SLC2A13: variants seen among roughly 807,000 people sequenced by gnomAD.
The protein encoded by SLC2A13 is solute carrier family 2 member 13.
SLC2A13 carries 32 observed loss-of-function variants against 64.4 expected under a neutral mutation model. That is an observed-to-expected ratio of 0.50 (90% CI 0.37 to 0.67). The LOEUF (loss-of-function observed/expected upper bound fraction) is 0.67. SLC2A13 is among the 30% of genes least tolerant of loss of function. The pLI, the probability that SLC2A13 is intolerant of heterozygous loss-of-function variation, is 0.00. For missense variants in SLC2A13, 743 were observed against 829.2 expected (o/e 0.90, Z 1.28); for synonymous variants, 338 against 327.1 (o/e 1.03, Z -0.36).
chr12:40,082,370 T>C (rs1277556885), intron 1 of SLC2A13, among the ~76,000 whole-genome samples: 1 of 152,214 alleles, frequency 6.6e-6, no homozygotes, highest in Admixed American at 6.5e-5. Flanking sequence ...CTCAGTTGCA[T>C]TTTGCATTAT....
chr12:39,862,650 A>C (rs1449689850), intron 6 of SLC2A13, among the ~76,000 whole-genome samples: 1 of 152,196 alleles, frequency 6.6e-6, no homozygotes, highest in Non-Finnish European at 1.5e-5. Context: ...ATCTTAAGGT[A>C]TTATGTGATT....
At chr12:39,768,547 A>G (rs2135719644) in intron 7 of SLC2A13, among the ~76,000 whole-genome samples, 1 of 152,166 alleles carries the variant, frequency 6.6e-6, no homozygotes, top group East Asian at 1.9e-4. Flanking sequence ...TTTAGAGGCC[A>G]TTGTAGAGTT....
chr12:39,910,195 G>T (rs1945396142), intron 4 of SLC2A13, among the ~76,000 whole-genome samples: 1 of 151,998 alleles, frequency 6.6e-6, no homozygotes. Flanking sequence ...AGCAACCCTA[G>T]AAAGTGCTAC....
rs77383075 is a variant in SLC2A13, at chr12:39,965,396, A to T, written c.926-14031T>A. ...AAAACATTTTAAGGTTTTCTGTTAAAGTCTCCTCTTGTTACATTTAGCAAA... is the reference window on the plus strand; with the variant it reads ...AAAACATTTTAAGGTTTTCTGTTAATGTCTCCTCTTGTTACATTTAGCAAA... On this transcript the variant is annotated intron_variant, in intron 3 of 9. Transcript: ENST00000280871. Among the ~76,000 whole-genome samples the T allele has an allele frequency of 4.7e-4, 72 of 152,314 alleles. No individual in the cohort carries two copies. In the East Asian group the frequency reaches 9.3e-3, roughly 20 times the overall value.
intron 4 of SLC2A13, among the ~76,000 whole-genome samples, chr12:39,882,060 A>G (rs1319722457): frequency 6.6e-6 from 1 of 152,046 alleles, no homozygotes; most frequent in Admixed American, 6.6e-5. Context: ...CCCCACTGAC[A>G]TAATATGTCA....
intron 3 of SLC2A13, among the ~76,000 whole-genome samples, chr12:39,996,136 C>T (rs1387862291): frequency 6.6e-6 from 1 of 152,176 alleles, no homozygotes; most frequent in African/African-American, 2.4e-5. Context: ...GAAGTGGTCT[C>T]AAATGGAGAT....
At chr12:40,055,157 T>C (rs1948315620) in intron 1 of SLC2A13, among the ~76,000 whole-genome samples, 1 of 152,214 alleles carries the variant, frequency 6.6e-6, no homozygotes, top group African/African-American at 2.4e-5. Context: ...TTCTACTTTT[T>C]TCTAATAAGG....
Position 40,009,809 on chromosome 12 carries a change from A to C in SLC2A13, c.925+18492T>G, listed in dbSNP as rs28370653. 4.9e-3 allele frequency among the ~76,000 whole-genome samples: 747 copies of C among 152,342 alleles called. 4 individuals carry two copies. Among genetic ancestry groups the C allele is most frequent in the Middle Eastern group, 0.017 (5 of 294 alleles). On this transcript the variant is annotated intron_variant, in intron 3 of 9. Transcript: ENST00000280871. The stretch of plus-strand genomic sequence containing the variant: ...AGTCCAATGTAGAGACATGGGTCCT[A>C]AAACAAAATAATACTAAGTCAAAAG...
chr12:39,768,939 G>A (rs182463558), intron 7 of SLC2A13, among the ~76,000 whole-genome samples: 210 of 152,152 alleles, frequency 1.4e-3, no homozygotes, highest in Middle Eastern at 3.4e-3. Flanking sequence ...ATAAAATGAA[G>A]TATATACTGT....
rs780188266 is a variant in SLC2A13, at chr12:39,871,861, G to C, written c.1135C>G (p.Leu379Val). 6.2e-7 allele frequency: 1 copy of C among 1,612,486 alleles called. No homozygotes were observed. ...VTAFTNFIFT[L>V]VGVWLVEKVG... ...TTCTCAACAAGCCAGACTCCCACAAGTGTGAAAATGAAATTTGTGAAGGCT... is the reference window on the plus strand; with the variant it reads ...TTCTCAACAAGCCAGACTCCCACAACTGTGAAAATGAAATTTGTGAAGGCT... The change falls in exon 5 of 10, where the codon CTT becomes GTT. Residue 379 changes from leucine to valine, a missense_variant. Physicochemically the swap from Leu to Val is conservative, Grantham distance 32. Transcript: ENST00000280871.
intron 3 of SLC2A13, among the ~76,000 whole-genome samples, chr12:40,022,835 CAA>C (rs761069410): frequency 3.5e-5 from 4 of 113,554 alleles, no homozygotes; most frequent in African/African-American, 6.5e-5. Context: ...AAGACTGTCT[CAA>C]AAAAAAAAAA....
chr12:40,097,355 G>C (rs138653151), intron 1 of SLC2A13, among the ~76,000 whole-genome samples: 156 of 152,184 alleles, frequency 1.0e-3, no homozygotes, highest in African/African-American at 3.7e-3. Context: ...AGTTTTGTGT[G>C]TGTTTAGCAA....
chr12:39,862,783 C>T (rs1212238519), intron 6 of SLC2A13, among the ~76,000 whole-genome samples: 1 of 152,072 alleles, frequency 6.6e-6, no homozygotes, highest in Non-Finnish European at 1.5e-5. Context: ...TACAAGTATA[C>T]AATGTGTAAT....
chr12:39,948,728 G>T lies in SLC2A13; in HGVS notation c.1034+2529C>A, dbSNP rs534310022. Among the ~76,000 whole-genome samples the T allele has an allele frequency of 1.6e-4, 24 of 152,102 alleles. No homozygotes were observed. The East Asian group carries it at 2.3e-3, about 15-fold the overall frequency. The stretch of plus-strand genomic sequence containing the variant: ...TAGGGTTGAATTAAAATAAAGAAAA[G>T]CATTAACTGCTTTATTTCCCACTTA... On this transcript the variant is annotated intron_variant, in intron 4 of 9. Transcript: ENST00000280871.
chr12:40,083,210 G>C (rs902372022), intron 1 of SLC2A13, among the ~76,000 whole-genome samples: 2 of 152,098 alleles, frequency 1.3e-5, no homozygotes, highest in African/African-American at 4.8e-5. Flanking sequence ...TTAGGGGTGA[G>C]CTCAGGACTT....
At chr12:39,943,453 C>A (rs1946077091) in intron 4 of SLC2A13, among the ~76,000 whole-genome samples, 3 of 152,194 alleles carry the variant, frequency 2.0e-5, no homozygotes, top group African/African-American at 7.2e-5. Flanking sequence ...AGGCCCTGCC[C>A]AGAGAGAAGG....
At chr12:39,969,643 G>C (rs540630857) in intron 3 of SLC2A13, among the ~76,000 whole-genome samples, 6 of 152,162 alleles carry the variant, frequency 3.9e-5, no homozygotes, top group Non-Finnish European at 2.9e-5. Flanking sequence ...TTGTTGATGG[G>C]GTTGTTTGTT....
chr12:40,019,880 T>C (rs1006125599), intron 3 of SLC2A13, among the ~76,000 whole-genome samples: 5 of 152,212 alleles, frequency 3.3e-5, no homozygotes, highest in African/African-American at 1.2e-4. Context: ...ATAAACCTAA[T>C]AATTTTCTCC....
chr12:39,888,465 T>C (rs1944522781), intron 4 of SLC2A13, among the ~76,000 whole-genome samples: 1 of 152,192 alleles, frequency 6.6e-6, no homozygotes, highest in Non-Finnish European at 1.5e-5. Flanking sequence ...CCTCAGGTAA[T>C]CCACCGTCCT....
Sources: gnomAD v4.1 joint callset for allele counts (sites outside exome capture counted in the v4.1 genomes callset) on GRCh38, gnomAD v4.1.1 for gene constraint, MANE v1.5 for transcripts, NCBI Gene and HGNC (gene_info 2026-07-23, HGNC 2026-07-21) for gene names.